MYO19: variants seen among roughly 807,000 people sequenced by gnomAD.
MYO19 encodes the protein unconventional myosin-XIX.
MYO19 carries 132 observed loss-of-function variants against 129.2 expected under a neutral mutation model. The ratio of observed to expected loss-of-function variants is 1.02; its 90% CI spans 0.89 to 1.18. The LOEUF (loss-of-function observed/expected upper bound fraction) is 1.18, where lower values mean the gene tolerates loss of function less well. MYO19 is among the 50% of genes most tolerant of loss of function. The pLI, the probability that MYO19 is intolerant of heterozygous loss-of-function variation, is 0.00. For missense variants in MYO19, 1,210 were observed against 1,216.7 expected (o/e 0.99, Z 0.08); for synonymous variants, 531 against 477.2 (o/e 1.11, Z -1.47).
intron 11 of MYO19, chr17:36,513,038 A>G: frequency 2.7e-6 from 3 of 1,108,912 alleles, no homozygotes; most frequent in Non-Finnish European, 3.5e-6. Context: ...CATAAAGGGA[A>G]ATAAACACAC....
rs932825179 is a variant in MYO19, at chr17:36,534,121, G to A, written c.-295-17C>T. 2.0e-5 allele frequency: 3 copies of A among 152,264 alleles called. No individual in the cohort carries two copies. The highest frequency in any genetic ancestry group is 7.2e-5 in the African/African-American group (3 of 41,440). 9.4% of individuals were successfully genotyped at this position (152,264 alleles called of 1,614,324 possible). A position where few individuals can be genotyped will look rare whatever the true frequency, so the allele number is the denominator to read the frequency against. On this transcript the variant is annotated splice_polypyrimidine_tract_variant and intron_variant, in intron 1 of 25. Transcript: ENST00000614623. ...GTGTGAACACTGTGGGCAGAAAGGA[G>A]ACGGTAATGAGTAAATGGAACACCG...
chr17:36,522,973 T>C (rs1415510314), intron 6 of MYO19, among the ~76,000 whole-genome samples: 1 of 145,272 alleles, frequency 6.9e-6, no homozygotes, highest in Non-Finnish European at 1.5e-5. Context: ...GCCACTGCAC[T>C]CCAGCCTGGG....
Position 36,532,521 on chromosome 17 carries a change from T to A in MYO19, c.12+6A>T. 6.4e-7 allele frequency: 1 copy of A among 1,554,606 alleles called. No homozygotes were observed. The highest frequency in any genetic ancestry group is 8.7e-7 in the Non-Finnish European group (1 of 1,148,634). On this transcript the variant is annotated splice_donor_region_variant and intron_variant, in intron 3 of 25. Transcript: ENST00000614623. Reference sequence around the variant, plus strand: ...GGGCCTGGGTTATCTAAGGTTGAGGTTTTACCTGCTGGAGCATCCTCCTTC... The same window carrying A: ...GGGCCTGGGTTATCTAAGGTTGAGGATTTACCTGCTGGAGCATCCTCCTTC...
chr17:36,500,755 A>G (rs2071459485), intron 23 of MYO19, 75 bp downstream of exon 23: 7 of 1,527,104 alleles, frequency 4.6e-6, no homozygotes. Context: ...TGGGGACTCG[A>G]CGAGCTATGT....
chr17:36,512,389 CAAA>C (rs551345278), intron 11 of MYO19, among the ~76,000 whole-genome samples: 3 of 77,906 alleles, frequency 3.9e-5, no homozygotes, highest in Non-Finnish European at 2.8e-5. Context: ...AACTCCATCT[CAAA>C]AAAAAAAAAA....
At chr17:36,510,520 A>G (rs575623918) in intron 13 of MYO19, among the ~76,000 whole-genome samples, 2 of 152,288 alleles carry the variant, frequency 1.3e-5, no homozygotes, top group South Asian at 4.1e-4. Context: ...TCTGGCCAGG[A>G]ATGTAGCAAC....
Position 36,513,708 on chromosome 17 carries a change from A to C in MYO19, c.738T>G (p.Ser246Arg). 1 of 1,613,686 alleles carries C rather than the reference A, an allele frequency of 6.2e-7. No individual in the cohort carries two copies. Among genetic ancestry groups the C allele is most frequent in the East Asian group, 2.2e-5 (1 of 44,860 alleles). ...HIFYQICKGA[S>R]EDERLQWHLP... The stretch of plus-strand genomic sequence containing the variant: ...GGTGCCACTGGAGCCTCTCGTCCTC[A>C]CTGGCTCCTTTGCAAATCTGTGGAG... The change falls in exon 10 of 26, where the codon AGT becomes AGG. Residue 246 changes from serine (S) to arginine (R), a missense_variant. By Grantham distance (110) the Ser-to-Arg change is moderately radical. Coordinates refer to ENST00000614623, the MANE Select transcript of MYO19 (RefSeq NM_001163735.2).
At chr17:36,536,761 C>A (rs1420269615), upstream of MYO19, among the ~76,000 whole-genome samples, 1 of 152,154 alleles carries the variant, frequency 6.6e-6, no homozygotes, top group Non-Finnish European at 1.5e-5. Context: ...GTGATCCTCC[C>A]ACCTCGGCCT....
rs1413015445 is a variant in MYO19, at chr17:36,499,075, T to G, written c.2463A>C (p.Arg821Ser). ...TVIKRAWQKW[R>S]IRMACLAAKE... is the part of the protein sequence containing the mutation. ...CCCCGACTTCTTGGGTCTTACTTAC[T>G]CTCCACTTCTGCCATGCACGCTTGA... The change falls in exon 24 of 26, where the codon AGA becomes AGC. Residue 821 changes from arginine to serine, a missense_variant and splice_region_variant. Transcript: ENST00000614623. The G allele has an allele frequency of 6.2e-7, 1 of 1,605,712 alleles. No homozygotes were observed. The highest frequency in any genetic ancestry group is 8.5e-7 in the Non-Finnish European group (1 of 1,175,538).
Position 36,505,295 on chromosome 17 carries a change from ACCT to A in MYO19, c.1904_1905+1del. The A allele has an allele frequency of 6.2e-7, 1 of 1,613,688 alleles. No homozygotes were observed. Among genetic ancestry groups the A allele is most frequent in the Non-Finnish European group, 8.5e-7 (1 of 1,179,624 alleles). On this transcript the variant is annotated splice_donor_variant and coding_sequence_variant, in exon 19 of 26. Transcript: ENST00000614623. LOFTEE classifies it high-confidence loss of function. ...AAGCAGCTTTGGCCCGGTGTTAATT[ACCT>A]CCTCTTGGAGAAAGGTCTGCGCCTG...
chr17:36,527,532 G>C lies in MYO19; in HGVS notation c.300+19C>G, dbSNP rs781657537. The C allele has an allele frequency of 1.2e-6, 2 of 1,610,424 alleles. No individual in the cohort carries two copies. Reference sequence around the variant, plus strand: ...GAGGTAGAGGAGCCCTGAGGCCACAGGCAGCGGCAGAGCCTTACCTGGGGC... The same window carrying C: ...GAGGTAGAGGAGCCCTGAGGCCACACGCAGCGGCAGAGCCTTACCTGGGGC... On this transcript the variant is annotated intron_variant, in intron 5 of 25. Transcript: ENST00000614623.
intron 23 of MYO19, 157 bp from the exon 24 acceptor site, chr17:36,499,317 T>C: frequency 4.0e-6 from 2 of 498,060 alleles, no homozygotes; most frequent in South Asian, 4.1e-5. Context: ...AATCAATACA[T>C]AAGGCAAAAT....
Position 36,528,058 on chromosome 17 carries a change from C to T in MYO19, c.151+6G>A. 3 of 1,612,270 alleles carry T rather than the reference C, an allele frequency of 1.9e-6. No individual in the cohort carries two copies. The highest frequency in any genetic ancestry group is 2.5e-6 in the Non-Finnish European group (3 of 1,178,528). ...ATGATACTCCTGAGGAATGGGAGGC[C>T]CATACCTGTCTCTAGTGTCACAGGA... On this transcript the variant is annotated splice_donor_region_variant and intron_variant, in intron 4 of 25. Coordinates refer to ENST00000614623, the MANE Select transcript of MYO19 (RefSeq NM_001163735.2).
At chr17:36,512,695 G>T (rs1304286861) in intron 11 of MYO19, 9 of 1,289,184 alleles carry the variant, frequency 7.0e-6, no homozygotes, top group Non-Finnish European at 9.1e-6. Context: ...GGAGGTGAGG[G>T]TCACTTTCCA....
intron 23 of MYO19, 44 bp downstream of exon 23, chr17:36,500,786 T>C: frequency 6.4e-7 from 1 of 1,572,674 alleles, no homozygotes; most frequent in Non-Finnish European, 8.6e-7. Flanking sequence ...ACCAACATCC[T>C]GTGGGGTCTG....
upstream of MYO19, chr17:36,535,140 C>A (rs1234679741): frequency 1.3e-5 from 2 of 150,150 alleles, no homozygotes; most frequent in Admixed American, 1.3e-4. Context: ...AGCACGGTTT[C>A]CTGGGCCTTC....
rs900995800 is a variant in MYO19 at position 36,527,414 on chromosome 17, T to C, written c.300+137A>G. The stretch of plus-strand genomic sequence containing the variant: ...TGGTTCAAAATTCTGCCAGCTCCTA[T>C]TGGGCAGGCCGTGGCACTAGCAGAC... On this transcript the variant is annotated intron_variant, in intron 5 of 25. Coordinates refer to ENST00000614623, the MANE Select transcript of MYO19 (RefSeq NM_001163735.2). 8.0e-5 allele frequency: 75 copies of C among 932,784 alleles called. 2 individuals carry two copies. In the South Asian group the frequency reaches 9.7e-4, roughly 12 times the overall value. 57.8% of individuals were successfully genotyped at this position (932,784 alleles called of 1,614,324 possible).
At chr17:36,503,688 CCCT>C (rs1445794324) in intron 20 of MYO19, among the ~76,000 whole-genome samples, 1 of 152,264 alleles carries the variant, frequency 6.6e-6, no homozygotes, top group Non-Finnish European at 1.5e-5. Flanking sequence ...TGCTTGTCAG[CCCT>C]CCTGAGTCTG....
chr17:36,509,359 C>CAT lies in MYO19; in HGVS notation c.1158-226_1158-225dup. ...TGTTGCCAGGTACACACAAACCTGG[C>CAT]ATGTCCTTATGGGAAGACTGAGCAC... On this transcript the variant is annotated intron_variant, in intron 13 of 25. Coordinates refer to ENST00000614623, the MANE Select transcript of MYO19 (RefSeq NM_001163735.2). 5.1e-6 allele frequency: 3 copies of CAT among 592,052 alleles called. No individual in the cohort carries two copies. In the South Asian group the frequency reaches 5.9e-5, roughly 12 times the overall value. The allele number at this position is 592,052 out of a possible 1,614,324, so 36.7% of individuals were successfully genotyped here.
Sources: gnomAD v4.1 joint callset for allele counts (sites outside exome capture counted in the v4.1 genomes callset) on GRCh38, gnomAD v4.1.1 for gene constraint, MANE v1.5 for transcripts, NCBI Gene and HGNC (gene_info 2026-07-23, HGNC 2026-07-21) for gene names.